The following CSMD1 variants were observed in gnomAD, a reference collection of about 807,000 sequenced individuals.
The protein encoded by CSMD1 is CUB and sushi domain-containing protein 1.
CSMD1 carries 213 observed loss-of-function variants against 417.5 expected under a neutral mutation model. The ratio of observed to expected loss-of-function variants is 0.51; its 90% CI spans 0.46 to 0.57. CSMD1 has a LOEUF of 0.57. Ranked by LOEUF, CSMD1 falls within the 20% of genes least tolerant of loss-of-function variation. The probability of loss-of-function intolerance (pLI) is 0.00; values close to 1 mark genes in which losing one functional copy is unlikely to be tolerated. For synonymous variants in CSMD1, 2,862 were observed against 1,736.8 expected (o/e 1.65, Z -16.11); for missense variants, 6,923 against 4,529.7 (o/e 1.53, Z -15.17).
chr8:4,821,383 C>G (rs1164298168), intron 1 of CSMD1, among the ~76,000 whole-genome samples: 2 of 151,998 alleles, frequency 1.3e-5, no homozygotes, highest in Non-Finnish European at 2.9e-5. Context: ...GCGTTTATCC[C>G]CATAAAGCAA....
chr8:3,308,336 C>G lies in CSMD1; in HGVS notation c.3799G>C (p.Asp1267His), dbSNP rs1310870581. The G allele has an allele frequency of 1.2e-6, 2 of 1,612,620 alleles. No individual in the cohort carries two copies. Among genetic ancestry groups the G allele is most frequent in the Non-Finnish European group, 1.7e-6 (2 of 1,179,064 alleles). Residue 1267 changes from aspartate to histidine, a missense_variant, in exon 24 of 70, where the codon GAC (aspartate) becomes CAC (histidine). By Grantham distance (81) the Asp-to-His change is moderately conservative (BLOSUM62 -1). Coordinates refer to ENST00000635120, the MANE Select transcript of CSMD1 (RefSeq NM_033225.6). Reference protein sequence around the residue: ...TCLSGDRRVWDKPLPSCIAEC... With the variant: ...TCLSGDRRVWHKPLPSCIAEC... The stretch of plus-strand genomic sequence containing the variant: ...CCTATGCACGAAGGTAGTGGTTTGT[C>G]CCACACTCTCCTGTCTCCACTCAAA...
chr8:4,298,155 A>T (rs532991076), intron 3 of CSMD1, among the ~76,000 whole-genome samples: 123 of 152,298 alleles, frequency 8.1e-4, no homozygotes, highest in Non-Finnish European at 1.5e-3. Flanking sequence ...ATAGAAGAAA[A>T]GTTTAGAAAA....
intron 2 of CSMD1, among the ~76,000 whole-genome samples, chr8:4,442,248 T>C (rs569216279): frequency 4.3e-4 from 65 of 152,218 alleles, no homozygotes; most frequent in Non-Finnish European, 8.1e-4. Context: ...GGCTGTTTAT[T>C]AATCTTTAAA....
At chr8:3,876,702 C>A (rs144077247) in intron 5 of CSMD1, among the ~76,000 whole-genome samples, 1,588 of 152,278 alleles carry the variant, frequency 0.01, 11 homozygotes, top group Non-Finnish European at 0.017. Flanking sequence ...CTTGACTTCC[C>A]AGGCTCAAGC....
intron 3 of CSMD1, among the ~76,000 whole-genome samples, chr8:4,133,988 C>T (rs1334540713): frequency 6.6e-6 from 1 of 151,990 alleles, no homozygotes; most frequent in East Asian, 1.9e-4. Context: ...GTTTTCTTAT[C>T]CATAAAAGAA....
intron 3 of CSMD1, among the ~76,000 whole-genome samples, chr8:4,299,547 C>G (rs558085163): frequency 6.6e-6 from 1 of 152,308 alleles, no homozygotes; most frequent in African/African-American, 2.4e-5. Flanking sequence ...AAATCAGTTT[C>G]TAGCTTCTCA....
chr8:4,138,872 G>C (rs1447862875), intron 3 of CSMD1, among the ~76,000 whole-genome samples: 2 of 152,022 alleles, frequency 1.3e-5, no homozygotes, highest in Non-Finnish European at 2.9e-5. Context: ...TTATTTAATA[G>C]GAAGGTTAAT....
rs541226378 is a variant in CSMD1, at chr8:4,419,076, G to C, written c.415+877C>G. Among the ~76,000 whole-genome samples the C allele has an allele frequency of 1.4e-3, 215 of 152,256 alleles. 1 individual carries two copies. The highest frequency in any genetic ancestry group is 6.8e-3 in the Middle Eastern group (2 of 294). ...AAAATACGATTTTTGCCTAAATGCA[G>C]AGTATTCCCAGTAAGAATATATAAT... On this transcript the variant is annotated intron_variant, in intron 3 of 69. Transcript: ENST00000635120.
rs141817335 is a variant in CSMD1, at chr8:4,274,602, A to T, written c.415+145351T>A. On this transcript the variant is annotated intron_variant, in intron 3 of 69. Transcript: ENST00000635120. ...ATTATATCTATTCTATTAATAGATT[A>T]ATCTATGAAATTTCTATTAAATATC... Among the ~76,000 whole-genome samples, 53 of 152,180 alleles carry T rather than the reference A, an allele frequency of 3.5e-4. 1 individual carries two copies. Among genetic ancestry groups the T allele is most frequent in the Non-Finnish European group, 1.0e-4 (7 of 68,014 alleles).
intron 5 of CSMD1, among the ~76,000 whole-genome samples, chr8:3,931,921 A>G (rs1263385430): frequency 2.0e-5 from 3 of 149,492 alleles, no homozygotes; most frequent in Non-Finnish European, 4.5e-5. Context: ...AAAAAAGATC[A>G]CAGAACCCAA....
intron 5 of CSMD1, among the ~76,000 whole-genome samples, chr8:3,955,828 C>T (rs979849882): frequency 6.6e-5 from 10 of 152,204 alleles, no homozygotes; most frequent in Non-Finnish European, 1.5e-4. Context: ...GAGGGGTTCA[C>T]TTTGCCCCCT....
intron 41 of CSMD1, among the ~76,000 whole-genome samples, chr8:3,129,935 C>G (rs533207373): frequency 2.0e-5 from 3 of 151,838 alleles, no homozygotes; most frequent in Admixed American, 6.6e-5. Context: ...GAGCCGAGAT[C>G]GCGCCACTGC....
At chr8:3,708,554 TC>T in intron 6 of CSMD1, 63 bp from the exon 7 acceptor site, 1 of 1,383,634 alleles carries the variant, frequency 7.2e-7, no homozygotes, top group Non-Finnish European at 1.0e-6. Context: ...CCATGTTGTA[TC>T]CACACAGCAC....
intron 3 of CSMD1, among the ~76,000 whole-genome samples, chr8:4,137,258 G>A (rs537040221): frequency 6.6e-6 from 1 of 152,118 alleles, no homozygotes; most frequent in Non-Finnish European, 1.5e-5. Flanking sequence ...GTAGCTATGA[G>A]AAATTGATAA....
At chr8:4,043,282 A>C (rs1403709998) in intron 3 of CSMD1, among the ~76,000 whole-genome samples, 2 of 152,206 alleles carry the variant, frequency 1.3e-5, no homozygotes, top group Admixed American at 6.5e-5. Context: ...AATCACAGAA[A>C]GTACCCAATC....
intron 3 of CSMD1, among the ~76,000 whole-genome samples, chr8:4,178,580 G>C (rs1290243691): frequency 1.4e-4 from 21 of 151,456 alleles, no homozygotes; most frequent in African/African-American, 3.6e-4. Context: ...GTTCTGGCCA[G>C]GGCAATTAGG....
rs74829499 is a variant in CSMD1 at position 3,872,282 on chromosome 8, T to C, written c.819-118240A>G. Among the ~76,000 whole-genome samples, 340 of 152,314 alleles carry C rather than the reference T, an allele frequency of 2.2e-3. 2 individuals are homozygous for C. Among genetic ancestry groups the C allele is most frequent in the African/African-American group, 7.9e-3 (330 of 41,568 alleles). ...CTTCTGTGAACTGAACGTGTCAGGT[T>C]TGGGGTCACCCTGTAAGTGCCATCT... On this transcript the variant is annotated intron_variant, in intron 5 of 69. Coordinates refer to ENST00000635120, the MANE Select transcript of CSMD1 (RefSeq NM_033225.6).
chr8:4,075,527 T>A (rs1799775942), intron 3 of CSMD1, among the ~76,000 whole-genome samples: 1 of 152,196 alleles, frequency 6.6e-6, no homozygotes, highest in Non-Finnish European at 1.5e-5. Flanking sequence ...ACTAAAAATG[T>A]CAGATATCCC....
intron 3 of CSMD1, among the ~76,000 whole-genome samples, chr8:4,109,709 A>G (rs1204494727): frequency 2.0e-5 from 3 of 152,202 alleles, no homozygotes; most frequent in African/African-American, 7.2e-5. Context: ...ATATGATGCT[A>G]TGAAAAATCT....
Sources: gnomAD v4.1 joint callset for allele counts (sites outside exome capture counted in the v4.1 genomes callset) on GRCh38, gnomAD v4.1.1 for gene constraint, MANE v1.5 for transcripts, NCBI Gene and HGNC (gene_info 2026-07-23, HGNC 2026-07-21) for gene names.